The following ZFAT variants were observed in gnomAD, a reference collection of about 807,000 sequenced individuals.
ZFAT encodes zinc finger protein ZFAT.
Under a neutral mutation model 117.7 loss-of-function variants are expected in ZFAT, and 64 were observed. The ratio of observed to expected loss-of-function variants is 0.54; its 90% CI spans 0.44 to 0.67. The LOEUF (loss-of-function observed/expected upper bound fraction) is 0.67. Among genes scored for constraint, ZFAT ranks in the 30% least tolerant of loss-of-function variants. The probability of loss-of-function intolerance (pLI) is 0.00; values close to 1 mark genes in which losing one functional copy is unlikely to be tolerated. For missense variants in ZFAT, 1,433 were observed against 1,584.5 expected, an observed-to-expected ratio of 0.90 and a Z score of 1.62; for synonymous variants, 679 against 615.0, an observed-to-expected ratio of 1.10 and a Z score of -1.54.
chr8:134,551,315 G>A (rs1823150971), intron 11 of ZFAT, among the ~76,000 whole-genome samples: 3 of 152,154 alleles, frequency 2.0e-5, no homozygotes, highest in Admixed American at 6.5e-5. Context: ...TCCGTAAAAC[G>A]GGGATGTTAA....
the ZFAT span, among the ~76,000 whole-genome samples, chr8:134,790,496 C>G: frequency 6.6e-6 from 1 of 152,114 alleles, no homozygotes; most frequent in East Asian, 1.9e-4. Context: ...CAGGAGTATG[C>G]ATGAGAGAAG....
At chr8:134,677,885 C>A (rs1002445061) in intron 1 of ZFAT, among the ~76,000 whole-genome samples, 1 of 152,168 alleles carries the variant, frequency 6.6e-6, no homozygotes, top group African/African-American at 2.4e-5. Context: ...AGGCCTTCGA[C>A]AAAATTCAAC....
chr8:134,630,838 G>T (rs1197460623), intron 3 of ZFAT, among the ~76,000 whole-genome samples: 2 of 152,128 alleles, frequency 1.3e-5, no homozygotes, highest in African/African-American at 4.8e-5. Flanking sequence ...AGTTTATTTT[G>T]TTTTCTTCTA....
At chr8:134,810,722 T>C in the ZFAT span, among the ~76,000 whole-genome samples, 2 of 149,186 alleles carry the variant, frequency 1.3e-5, no homozygotes, top group Admixed American at 6.6e-5. Flanking sequence ...CACAGAATAG[T>C]TGTGAATATT....
intron 11 of ZFAT, among the ~76,000 whole-genome samples, chr8:134,557,481 G>T (rs570143263): frequency 6.6e-6 from 1 of 152,320 alleles, no homozygotes; most frequent in South Asian, 2.1e-4. Context: ...TATTAATATT[G>T]ATTCACTAGT....
chr8:134,616,694 A>G (rs886254982), intron 3 of ZFAT, among the ~76,000 whole-genome samples: 5 of 152,096 alleles, frequency 3.3e-5, no homozygotes, highest in African/African-American at 1.2e-4. Flanking sequence ...CCTCTTGCGC[A>G]TGGCTGCTGC....
At chr8:134,663,980 C>T (rs1429141647) in intron 1 of ZFAT, among the ~76,000 whole-genome samples, 2 of 152,084 alleles carry the variant, frequency 1.3e-5, no homozygotes, top group Non-Finnish European at 2.9e-5. Context: ...ATCATGAAGA[C>T]CGTGAGCAGA....
intron 12 of ZFAT, among the ~76,000 whole-genome samples, chr8:134,526,833 CT>C (rs33917847): frequency 0.47 from 70,989 of 151,332 alleles, 17,584 homozygotes; most frequent in African/African-American, 0.63. Flanking sequence ...AGTTCATATT[CT>C]TTTTTTTTAT....
chr8:134,500,408 G>T (rs1226548587), intron 15 of ZFAT, among the ~76,000 whole-genome samples: 1 of 152,198 alleles, frequency 6.6e-6, no homozygotes, highest in East Asian at 1.9e-4. Flanking sequence ...GCATACTCAG[G>T]TTAGCTAAGG....
intron 2 of ZFAT, among the ~76,000 whole-genome samples, chr8:134,642,616 A>AT (rs35162201): frequency 6.6e-6 from 1 of 152,146 alleles, no homozygotes; most frequent in African/African-American, 2.4e-5. Flanking sequence ...CTCAATACGC[A>AT]TTTTTTCCTT....
chr8:134,704,037 T>C (rs903684460), intron 1 of ZFAT, among the ~76,000 whole-genome samples: 21 of 152,102 alleles, frequency 1.4e-4, no homozygotes, highest in Non-Finnish European at 2.8e-4. Flanking sequence ...TAATATATAA[T>C]ATAGGAGGCA....
At chr8:134,524,780 A>C (rs929655429) in intron 12 of ZFAT, among the ~76,000 whole-genome samples, 1 of 152,212 alleles carries the variant, frequency 6.6e-6, no homozygotes, top group Non-Finnish European at 1.5e-5. Flanking sequence ...TGTCAGGATC[A>C]GCTAACATCC....
intron 11 of ZFAT, among the ~76,000 whole-genome samples, chr8:134,562,530 T>C (rs1428677916): frequency 6.6e-6 from 1 of 152,196 alleles, no homozygotes; most frequent in Non-Finnish European, 1.5e-5. Context: ...TTGATATGCA[T>C]TTGATGAATA....
At chr8:134,555,772 A>G (rs945032887) in intron 11 of ZFAT, among the ~76,000 whole-genome samples, 6 of 151,906 alleles carry the variant, frequency 3.9e-5, no homozygotes, top group Non-Finnish European at 8.8e-5. Context: ...ATTATTAAAC[A>G]AAAACACTGA....
the ZFAT span, among the ~76,000 whole-genome samples, chr8:134,806,099 T>C: frequency 6.6e-6 from 1 of 152,218 alleles, no homozygotes; most frequent in African/African-American, 2.4e-5. Flanking sequence ...ATTTAAGAAA[T>C]GAACATACAT....
intron 4 of ZFAT, 145 bp downstream of exon 4, chr8:134,610,325 C>A: frequency 1.1e-6 from 1 of 916,864 alleles, no homozygotes; most frequent in Middle Eastern, 3.4e-4. Context: ...AAGTAAGTCT[C>A]ATCCTCTCAA....
In ZFAT at chr8:134,532,929, C is replaced by T; in HGVS notation, c.3020G>A (p.Gly1007Asp). Reference sequence around the variant, plus strand: ...CCTGTTGTAGTGCCGCTTCAGAGAGCCAGATATGTTGCAGGAGTAATGGCA... The same window carrying T: ...CCTGTTGTAGTGCCGCTTCAGAGAGTCAGATATGTTGCAGGAGTAATGGCA... ...AHCHYSCNIS[G>D]SLKRHYNRKH... Residue 1007 changes from glycine to aspartate, a missense_variant, in exon 12 of 16, where the codon GGC (glycine) becomes GAC (aspartate). By Grantham distance (94) the Gly-to-Asp change is moderately conservative. This residue lies in a region of ZFAT where 503 missense variants were observed against 543.4 expected (regional missense o/e 0.93). Transcript: ENST00000377838. 6.2e-7 allele frequency: 1 copy of T among 1,609,026 alleles called. No homozygotes were observed. The highest frequency in any genetic ancestry group is 1.1e-5 in the South Asian group (1 of 89,702).
At chr8:134,703,534 A>G (rs943104425) in intron 1 of ZFAT, among the ~76,000 whole-genome samples, 1 of 152,224 alleles carries the variant, frequency 6.6e-6, no homozygotes, top group Non-Finnish European at 1.5e-5. Context: ...AGAGATGTTC[A>G]TGGCCACATC....
chr8:134,608,708 A>G (rs780204383), intron 5 of ZFAT, 21 bp downstream of exon 5: 49 of 1,604,610 alleles, frequency 3.1e-5, no homozygotes, highest in Non-Finnish European at 4.2e-5. Context: ...GGCTGAAGTT[A>G]CACAGAACAA....
Sources: allele counts gnomAD v4.1 joint callset (sites outside exome capture counted in the v4.1 genomes callset), GRCh38; gene constraint gnomAD v4.1.1; regional missense constraint gnomAD v4.1.1; transcripts MANE v1.5; gene names NCBI Gene and HGNC (gene_info 2026-07-23, HGNC 2026-07-21).